Variants in CALD1 observed in about 807,000 individuals in gnomAD.
CALD1 encodes the protein caldesmon.
Under a neutral mutation model 99.9 loss-of-function variants are expected in CALD1, and 33 were observed. The ratio of observed to expected loss-of-function variants is 0.33; its 90% confidence interval spans 0.25 to 0.44. CALD1 has a LOEUF of 0.44. CALD1 is among the 20% of genes least tolerant of loss of function. The pLI is 1.00. For missense variants in CALD1, 861 were observed against 962.1 expected, an observed-to-expected ratio of 0.89 and a Z score of 1.39; for synonymous variants, 310 against 325.0, an observed-to-expected ratio of 0.95 and a Z score of 0.50.
chr7:134,871,599 G>T (rs1396881155), intron 3 of CALD1, among the ~76,000 whole-genome samples: 1 of 152,084 alleles, frequency 6.6e-6, no homozygotes, highest in Admixed American at 6.5e-5. Context: ...CCCCGTATGG[G>T]TTCATACTTA....
chr7:134,913,426 A>G (rs551729304), intron 3 of CALD1, among the ~76,000 whole-genome samples: 30 of 152,362 alleles, frequency 2.0e-4, no homozygotes, highest in Admixed American at 6.5e-5. Context: ...ATTAAATTTA[A>G]CATTACTTTA....
At chr7:134,951,028 G>A (rs781035866) in intron 9 of CALD1, among the ~76,000 whole-genome samples, 1 of 152,224 alleles carries the variant, frequency 6.6e-6, no homozygotes, top group Non-Finnish European at 1.5e-5. Context: ...GTGGTGTCTA[G>A]TGAGGGCCTA....
chr7:134,962,274 G>T (rs1808327039), intron 13 of CALD1: 1 of 147,110 alleles, frequency 6.8e-6, no homozygotes, highest in Non-Finnish European at 1.5e-5. Flanking sequence ...ATAAAATGCA[G>T]TTATGATTAT....
In CALD1 at chr7:134,783,257, C is replaced by T. The variant is rs3778839; in HGVS notation, c.-130+3508C>T. On this transcript the variant is annotated intron_variant, in intron 1 of 14. Transcript: ENST00000361675. The surrounding 1 kb of genome is among the most constrained non-coding windows in gnomAD (Gnocchi z 4.3). The stretch of plus-strand genomic sequence containing the variant: ...TGTCTTTAGTGCTCCCAGCTGTAAC[C>T]GACCCTAGTTGCATCCCTAACTTCC... Among the ~76,000 whole-genome samples the T allele has an allele frequency of 2.0e-4, 31 of 152,014 alleles. No individual in the cohort carries two copies. Among genetic ancestry groups the T allele is most frequent in the Non-Finnish European group, 3.5e-4 (24 of 68,008 alleles).
chr7:134,813,074 C>A (rs1363339164), intron 1 of CALD1, among the ~76,000 whole-genome samples: 1 of 152,126 alleles, frequency 6.6e-6, no homozygotes, highest in Non-Finnish European at 1.5e-5. Flanking sequence ...CTGTGTCAAA[C>A]GCTCATGTAT....
chr7:134,950,267 C>A, intron 8 of CALD1, 107 bp from the exon 9 acceptor site: 5 of 1,064,708 alleles, frequency 4.7e-6, no homozygotes, highest in Non-Finnish European at 6.8e-6. Context: ...GTCCAGCCTG[C>A]GGCCTGAGTC....
At chr7:134,916,860 T>C (rs1804245396) in intron 3 of CALD1, among the ~76,000 whole-genome samples, 1 of 152,258 alleles carries the variant, frequency 6.6e-6, no homozygotes, top group Non-Finnish European at 1.5e-5. Context: ...GTCGAACTTC[T>C]AGATCACTCT....
rs925026760 is a variant in CALD1 at position 134,903,600 on chromosome 7, G to A, written c.72-25154G>A. 7.8e-4 allele frequency among the ~76,000 whole-genome samples: 119 copies of A among 152,180 alleles called. 1 individual carries two copies. Among genetic ancestry groups the A allele is most frequent in the African/African-American group, 2.5e-3 (105 of 41,460 alleles). ...TTGGCATTTCTTGGCTTGTAGATGCGTCACTCCAATCTCTGCCTTCACATG... is the reference window on the plus strand; with the variant it reads ...TTGGCATTTCTTGGCTTGTAGATGCATCACTCCAATCTCTGCCTTCACATG... On this transcript the variant is annotated intron_variant, in intron 3 of 14. Coordinates refer to ENST00000361675, the MANE Select transcript of CALD1 (RefSeq NM_033138.4).
chr7:134,956,615 A>G (rs1305212832), intron 9 of CALD1, among the ~76,000 whole-genome samples: 1 of 152,190 alleles, frequency 6.6e-6, no homozygotes, highest in Non-Finnish European at 1.5e-5. Flanking sequence ...CGGAACTGTG[A>G]GAAATGTTTG....
At chr7:134,743,358 T>C (rs1047512042), upstream of CALD1, among the ~76,000 whole-genome samples, 3 of 152,164 alleles carry the variant, frequency 2.0e-5, no homozygotes, top group East Asian at 1.9e-4. Flanking sequence ...ACATAAATAT[T>C]TGGCCAAATT....
In CALD1 at chr7:134,857,957, T is replaced by C. The variant is rs189817694; in HGVS notation, c.-41-9736T>C. On this transcript the variant is annotated intron_variant, in intron 2 of 14. Coordinates refer to ENST00000361675, the MANE Select transcript of CALD1 (RefSeq NM_033138.4). The stretch of plus-strand genomic sequence containing the variant: ...CAGCACTATAAATGGATTTGCATCC[T>C]GCCATCTAAGCTATCCTACTTTATA... 2.1e-3 allele frequency among the ~76,000 whole-genome samples: 320 copies of C among 152,300 alleles called. 1 individual carries two copies. Among genetic ancestry groups the C allele is most frequent in the Middle Eastern group, 0.017 (5 of 294 alleles).
intron 5 of CALD1, among the ~76,000 whole-genome samples, chr7:134,935,448 A>G (rs945463109): frequency 1.3e-5 from 2 of 152,166 alleles, no homozygotes; most frequent in African/African-American, 4.8e-5. Flanking sequence ...TAAACACACG[A>G]GGAGTGCCAC....
intron 3 of CALD1, among the ~76,000 whole-genome samples, chr7:134,913,308 C>T (rs2132721086): frequency 6.6e-6 from 1 of 152,196 alleles, no homozygotes; most frequent in African/African-American, 2.4e-5. Context: ...TCATTTAAAA[C>T]TAAATGCCTA....
intron 1 of CALD1, among the ~76,000 whole-genome samples, chr7:134,751,925 G>A (rs540683764): frequency 2.0e-4 from 31 of 152,176 alleles, no homozygotes; most frequent in African/African-American, 7.0e-4. Context: ...GCAGTGAGCC[G>A]AGATCGTGCC....
At chr7:134,963,782 C>T (rs367704493) in intron 13 of CALD1, among the ~76,000 whole-genome samples, 1 of 152,196 alleles carries the variant, frequency 6.6e-6, no homozygotes, top group African/African-American at 2.4e-5. Flanking sequence ...GTCAACTTCT[C>T]GCATGGGTTC....
At chr7:134,825,991 C>G (rs1798975284) in intron 1 of CALD1, among the ~76,000 whole-genome samples, 1 of 152,014 alleles carries the variant, frequency 6.6e-6, no homozygotes, top group South Asian at 2.1e-4. Context: ...CTAGTTTAGC[C>G]CTTTCAAGTA....
At chr7:134,723,534 C>CTTTTTT in the CALD1 span, among the ~76,000 whole-genome samples, 13 of 87,670 alleles carry the variant, frequency 1.5e-4, no homozygotes, top group Non-Finnish European at 2.3e-4. Flanking sequence ...GAAAAGGTAA[C>CTTTTTT]TTTTTTTTTT....
chr7:134,827,695 A>G (rs1008194175), intron 1 of CALD1, among the ~76,000 whole-genome samples: 4 of 152,240 alleles, frequency 2.6e-5, no homozygotes, highest in Non-Finnish European at 4.4e-5. Flanking sequence ...GAGTGCTGAG[A>G]GTCAGAATAA....
chr7:134,757,663 G>A (rs376289721), intron 1 of CALD1, among the ~76,000 whole-genome samples: 2 of 152,060 alleles, frequency 1.3e-5, no homozygotes, highest in South Asian at 2.1e-4. Context: ...AGTGGTTCAC[G>A]AGATCAGGAA....
Sources: gnomAD v4.1 joint callset for allele counts (sites outside exome capture counted in the v4.1 genomes callset) on GRCh38, gnomAD v4.1.1 for gene constraint, Gnocchi (gnomAD v3.1) non-coding constraint, MANE v1.5 for transcripts, NCBI Gene and HGNC (gene_info 2026-07-23, HGNC 2026-07-21) for gene names.